BRINP1: variants seen among roughly 807,000 people sequenced by gnomAD.
The protein encoded by BRINP1 is BMP/retinoic acid-inducible neural-specific protein 1.
A neutral mutation model predicts 72.9 loss-of-function variants in BRINP1; 17 were observed. That is an observed-to-expected ratio of 0.23 (90% CI 0.16 to 0.35). The LOEUF is 0.35. Among genes scored for constraint, BRINP1 ranks in the 10% least tolerant of loss-of-function variants. BRINP1 has a pLI of 1.00. For synonymous variants in BRINP1, 418 were observed against 378.5 expected (o/e 1.10, Z -1.21); for missense variants, 850 against 1,001.6 (o/e 0.85, Z 2.04).
At chr9:119,190,373 T>C (rs528698048) in intron 7 of BRINP1, among the ~76,000 whole-genome samples, 1 of 149,154 alleles carries the variant, frequency 6.7e-6, no homozygotes, top group East Asian at 2.0e-4. Context: ...AGTTGGTTCA[T>C]TGACAAACTA....
intron 1 of BRINP1, 116 bp from the exon 2 acceptor site, chr9:119,313,521 A>T: frequency 1.2e-5 from 10 of 868,856 alleles, no homozygotes; most frequent in Non-Finnish European, 1.7e-5. Context: ...TGATTAACAC[A>T]TCTTCATAAT....
At chr9:119,307,401 T>C (rs957494497) in intron 2 of BRINP1, among the ~76,000 whole-genome samples, 9 of 152,152 alleles carry the variant, frequency 5.9e-5, no homozygotes, top group African/African-American at 2.2e-4. Context: ...CGAACTCAAC[T>C]GTGGTTCTGC....
chr9:119,191,618 A>G (rs952771146), intron 7 of BRINP1, among the ~76,000 whole-genome samples: 54 of 152,092 alleles, frequency 3.6e-4, no homozygotes, highest in Non-Finnish European at 5.5e-4. Context: ...TAAAGAAGAC[A>G]CAAATAAATG....
Position 119,180,658 on chromosome 9 carries a change from A to G in BRINP1, c.1146-12434T>C, listed in dbSNP as rs547476897. Among the ~76,000 whole-genome samples, 3 of 152,188 alleles carry G rather than the reference A, an allele frequency of 2.0e-5. No homozygotes were observed. The South Asian group carries it at 6.2e-4, about 32-fold the overall frequency. ...GGCCATCAGACTCACTCTGTTCACT[A>G]TTTTTCCCAGATAAATATTTAGCTT... On this transcript the variant is annotated intron_variant, in intron 7 of 7. Transcript: ENST00000265922.
chr9:119,185,248 A>T (rs1444551302), intron 7 of BRINP1, among the ~76,000 whole-genome samples: 2 of 152,190 alleles, frequency 1.3e-5, no homozygotes, highest in African/African-American at 4.8e-5. Flanking sequence ...TTTATGGTAC[A>T]TTCGCCCCCA....
At position 119,167,380 on chromosome 9, in the gene BRINP1, A is replaced by G; in HGVS notation, c.1990T>C (p.Phe664Leu). 6.2e-7 allele frequency: 1 copy of G among 1,613,522 alleles called. No individual in the cohort carries two copies. ...DVQVFGYSLR[F>L]NADLLRSAVQ... ...GCACTGCGCAGGAGGTCGGCGTTGAACCTCAGGCTATACCCAAACACCTGC... is the reference window on the plus strand; with the variant it reads ...GCACTGCGCAGGAGGTCGGCGTTGAGCCTCAGGCTATACCCAAACACCTGC... The change falls in exon 8 of 8, where the codon TTC becomes CTC. Residue 664 changes from phenylalanine to leucine, a missense_variant. Coordinates refer to ENST00000265922, the MANE Select transcript of BRINP1 (RefSeq NM_014618.3). This position sits in a 1 kb window ranked among gnomAD's most constrained non-coding sequence, Gnocchi z 4.3.
Position 119,167,073 on chromosome 9 carries a change from G to GT in BRINP1, c.*10_*11insA. On this transcript the variant is annotated 3_prime_UTR_variant, in exon 8 of 8. Transcript: ENST00000265922. The surrounding 1 kb of genome is among the most constrained non-coding windows in gnomAD (Gnocchi z 4.3). ...CAACAACAGGAAAAGTCCATGGCAA[G>GT]GAGTCCCGGGTTAGCAGAGTTTGGC... The GT allele has an allele frequency of 6.3e-7, 1 of 1,579,442 alleles. No homozygotes were observed. The highest frequency in any genetic ancestry group is 1.3e-5 in the African/African-American group (1 of 74,320).
intron 2 of BRINP1, among the ~76,000 whole-genome samples, chr9:119,295,096 G>A (rs987311204): frequency 2.6e-5 from 4 of 151,834 alleles, no homozygotes; most frequent in African/African-American, 9.7e-5. Context: ...CCCACTTCTC[G>A]ATTTTAAAAT....
chr9:119,275,038 G>C (rs1830642837), intron 2 of BRINP1, among the ~76,000 whole-genome samples: 1 of 152,062 alleles, frequency 6.6e-6, no homozygotes, highest in Non-Finnish European at 1.5e-5. Context: ...ATAGGAATGT[G>C]GTTTGCCACA....
chr9:119,286,785 A>C (rs145083141), intron 2 of BRINP1, among the ~76,000 whole-genome samples: 6 of 152,262 alleles, frequency 3.9e-5, no homozygotes, highest in Non-Finnish European at 8.8e-5. Context: ...GGACGGGGGA[A>C]CTCACCAGAC....
intron 7 of BRINP1, among the ~76,000 whole-genome samples, chr9:119,189,122 C>T (rs959340570): frequency 6.6e-6 from 1 of 151,794 alleles, no homozygotes; most frequent in Non-Finnish European, 1.5e-5. Context: ...TCTATTATAA[C>T]TACAAAATAT....
chr9:119,220,825 T>C (rs1830033210), intron 5 of BRINP1, among the ~76,000 whole-genome samples: 1 of 152,144 alleles, frequency 6.6e-6, no homozygotes, highest in South Asian at 2.1e-4. Flanking sequence ...GGGCTGAATC[T>C]TGAAACATGA....
At chr9:119,315,453 CCT>C (rs1015838529) in intron 1 of BRINP1, among the ~76,000 whole-genome samples, 3 of 151,994 alleles carry the variant, frequency 2.0e-5, no homozygotes, top group African/African-American at 7.2e-5. Context: ...TATCGATAAA[CCT>C]GTGTTTTCTG....
chr9:119,296,549 A>C (rs550049115), intron 2 of BRINP1, among the ~76,000 whole-genome samples: 3 of 152,324 alleles, frequency 2.0e-5, no homozygotes, highest in African/African-American at 7.2e-5. Flanking sequence ...AGTATGTTGA[A>C]GAGCTATCTG....
At chr9:119,330,840 G>A (rs1587963080) in intron 1 of BRINP1, among the ~76,000 whole-genome samples, 1 of 151,894 alleles carries the variant, frequency 6.6e-6, no homozygotes, top group South Asian at 2.1e-4. Context: ...AGCCTGACCA[G>A]CATAGTGAAA....
chr9:119,274,825 G>T (rs1830639610), intron 2 of BRINP1, among the ~76,000 whole-genome samples: 1 of 152,046 alleles, frequency 6.6e-6, no homozygotes, highest in African/African-American at 2.4e-5. Flanking sequence ...GCAGCACTTA[G>T]CTTGGAGGAT....
intron 3 of BRINP1, among the ~76,000 whole-genome samples, chr9:119,245,293 T>C (rs1453161336): frequency 6.6e-6 from 1 of 152,198 alleles, no homozygotes; most frequent in East Asian, 1.9e-4. Flanking sequence ...CATGTATAAA[T>C]TAACTCATAT....
rs377446848 is a variant in BRINP1 at position 119,194,761 on chromosome 9, T to C, written c.1145+13958A>G. Among the ~76,000 whole-genome samples, 197 of 152,272 alleles carry C rather than the reference T, an allele frequency of 1.3e-3. 5 individuals are homozygous for C. In the South Asian group the frequency reaches 0.033, roughly 25 times the overall value. On this transcript the variant is annotated intron_variant, in intron 7 of 7. Coordinates refer to ENST00000265922, the MANE Select transcript of BRINP1 (RefSeq NM_014618.3). ...AATTCTGCCAACACCTTGAAGGAGC[T>C]TGGACTTGGATTCTTCCCCAGAACC...
rs370865949 is a variant in BRINP1, at chr9:119,183,199, TAA to T, written c.1146-14977_1146-14976del. ...TATGTACACAACCAAAAGGCATATA[TAA>T]AGACATGTATAAGATTGCAGTACTA... On this transcript the variant is annotated intron_variant, in intron 7 of 7. Coordinates refer to ENST00000265922, the MANE Select transcript of BRINP1 (RefSeq NM_014618.3). 3.0e-4 allele frequency among the ~76,000 whole-genome samples: 45 copies of T among 152,260 alleles called. 1 individual carries two copies. The highest frequency in any genetic ancestry group is 9.9e-4 in the African/African-American group (41 of 41,544).
Sources: allele counts gnomAD v4.1 joint callset (sites outside exome capture counted in the v4.1 genomes callset), GRCh38; gene constraint gnomAD v4.1.1; non-coding constraint Gnocchi (gnomAD v3.1); transcripts MANE v1.5; gene names NCBI Gene and HGNC (gene_info 2026-07-23, HGNC 2026-07-21).